Variants in SDK2 observed in about 807,000 individuals in gnomAD.
The protein encoded by SDK2 is sidekick cell adhesion molecule 2, also known as protein sidekick-2.
In SDK2, 105 loss-of-function variants were observed where a neutral mutation model predicts 253.9. That is an observed-to-expected ratio of 0.41 (90% CI 0.35 to 0.49). The LOEUF (loss-of-function observed/expected upper bound fraction) is 0.49. SDK2 is among the 20% of genes least tolerant of loss of function. SDK2 has a pLI of 0.06. For missense variants in SDK2, 2,608 were observed against 3,003.0 expected (o/e 0.87, Z 3.07); for synonymous variants, 1,249 against 1,234.9 (o/e 1.01, Z -0.24).
At chr17:73,593,539 C>A (rs1047382758) in intron 1 of SDK2, among the ~76,000 whole-genome samples, 1 of 152,082 alleles carries the variant, frequency 6.6e-6, no homozygotes, top group Non-Finnish European at 1.5e-5. Flanking sequence ...GACAATAGAC[C>A]CAGAGGCAGA....
intron 2 of SDK2, among the ~76,000 whole-genome samples, chr17:73,476,538 G>C (rs1464862178): frequency 6.6e-6 from 1 of 152,190 alleles, no homozygotes; most frequent in African/African-American, 2.4e-5. Context: ...GGCACCAGGG[G>C]CTCATTGGAT....
At chr17:73,475,636 A>C (rs2063681254) in intron 2 of SDK2, among the ~76,000 whole-genome samples, 1 of 152,228 alleles carries the variant, frequency 6.6e-6, no homozygotes, top group African/African-American at 2.4e-5. Flanking sequence ...ATGTTATGAG[A>C]GGAGGTAGGA....
At chr17:73,448,300 A>G (rs1331342668) in intron 4 of SDK2, among the ~76,000 whole-genome samples, 5 of 152,208 alleles carry the variant, frequency 3.3e-5, no homozygotes, top group Non-Finnish European at 7.3e-5. Flanking sequence ...CAAAGGCCAC[A>G]GGTCACCTGG....
intron 2 of SDK2, among the ~76,000 whole-genome samples, chr17:73,478,440 C>T (rs1302290723): frequency 6.6e-6 from 1 of 152,074 alleles, no homozygotes; most frequent in African/African-American, 2.4e-5. Context: ...AGAAAGAGGG[C>T]AGTGAAGGAA....
At position 73,338,806 on chromosome 17, in the gene SDK2, G is replaced by A. The variant is rs1192882841; in HGVS notation, c.6300C>T (p.Tyr2100=). ...CACCCGAGTCGCTCTCCGTGTAGCT[G>A]TAGGCCTGTGCCCTCGAGATGCCCT... is the stretch of plus-strand genomic sequence containing the variant. The part of the protein sequence containing the change: ...QQKGISRAQA[Y]SYTESDSGEP... Residue 2100 remains tyrosine, a synonymous_variant, in exon 45 of 45, where the codon TAC becomes TAT. Coordinates refer to ENST00000392650, the MANE Select transcript of SDK2 (RefSeq NM_001144952.2). This position sits in a 1 kb window ranked among gnomAD's most constrained non-coding sequence, Gnocchi z 5.0. 1.9e-6 allele frequency: 3 copies of A among 1,613,880 alleles called. No homozygotes were observed. The highest frequency in any genetic ancestry group is 1.7e-5 in the Admixed American group (1 of 60,002).
intron 37 of SDK2, among the ~76,000 whole-genome samples, chr17:73,366,091 G>T (rs931387713): frequency 1.3e-5 from 2 of 152,218 alleles, no homozygotes; most frequent in Non-Finnish European, 2.9e-5. Context: ...AGGATGACCA[G>T]GCTATTATTG....
intron 1 of SDK2, among the ~76,000 whole-genome samples, chr17:73,628,980 C>T (rs2046236765): frequency 6.6e-6 from 1 of 152,146 alleles, no homozygotes; most frequent in South Asian, 2.1e-4. Context: ...CTGCAGCTCT[C>T]CCACCTCCCA....
intron 40 of SDK2, chr17:73,357,737 G>A (rs2062603488): frequency 5.4e-6 from 2 of 372,806 alleles, no homozygotes; most frequent in Non-Finnish European, 9.9e-6. Context: ...TCTTAGTTAT[G>A]GGGCACCCAT....
chr17:73,624,146 A>G (rs1191471232), intron 1 of SDK2, among the ~76,000 whole-genome samples: 2 of 152,246 alleles, frequency 1.3e-5, no homozygotes, highest in African/African-American at 4.8e-5. Context: ...GACCAGTGTT[A>G]GGAAGCCAAT....
chr17:73,430,074 C>T (rs935697773), intron 12 of SDK2, among the ~76,000 whole-genome samples: 4 of 152,212 alleles, frequency 2.6e-5, no homozygotes, highest in South Asian at 2.1e-4. Flanking sequence ...ATCCCATATC[C>T]GCCTGCCCAG....
chr17:73,471,453 G>T (rs565343138), intron 3 of SDK2, among the ~76,000 whole-genome samples: 9 of 152,248 alleles, frequency 5.9e-5, no homozygotes, highest in African/African-American at 2.2e-4. Flanking sequence ...CAAAAAATTA[G>T]CTGGGTGTGG....
At position 73,395,872 on chromosome 17, in the gene SDK2, C is replaced by G. The variant is rs913098301; in HGVS notation, c.3355-480G>C. Among the ~76,000 whole-genome samples the G allele has an allele frequency of 6.6e-6, 1 of 152,094 alleles. No homozygotes were observed. Among genetic ancestry groups the G allele is most frequent in the Admixed American group, 6.6e-5 (1 of 15,262 alleles). On this transcript the variant is annotated intron_variant, in intron 24 of 44. Coordinates refer to ENST00000392650, the MANE Select transcript of SDK2 (RefSeq NM_001144952.2). This position sits in a 1 kb window ranked among gnomAD's most constrained non-coding sequence, Gnocchi z 4.3. Reference sequence around the variant, plus strand: ...CCTGCCAGTCAGGAAGTCCTTCTGTCCAGCAAACCTCAGCCTCTCCTGCTG... The same window carrying G: ...CCTGCCAGTCAGGAAGTCCTTCTGTGCAGCAAACCTCAGCCTCTCCTGCTG...
rs76352489 is a variant in SDK2, at chr17:73,385,516, C to T, written c.4569+331G>A. Among the ~76,000 whole-genome samples, 1,392 of 152,238 alleles carry T rather than the reference C, an allele frequency of 9.1e-3. 37 individuals are homozygous for T. The highest frequency in any genetic ancestry group is 0.087 in the East Asian group (449 of 5,166). ...GCAGGCCTAAGGCTAATACACCTGG[C>T]CCTGCCACTCACTGGCTATGTGACC... is the stretch of plus-strand genomic sequence containing the variant. On this transcript the variant is annotated intron_variant, in intron 32 of 44. Coordinates refer to ENST00000392650, the MANE Select transcript of SDK2 (RefSeq NM_001144952.2).
intron 4 of SDK2, among the ~76,000 whole-genome samples, chr17:73,448,655 T>C (rs371204997): frequency 8.6e-5 from 13 of 151,718 alleles, no homozygotes; most frequent in East Asian, 5.8e-4. Flanking sequence ...TGAGCCACTG[T>C]GCCCAGTCTT....
intron 3 of SDK2, among the ~76,000 whole-genome samples, chr17:73,469,282 T>C (rs913966967): frequency 6.6e-6 from 1 of 152,182 alleles, no homozygotes; most frequent in African/African-American, 2.4e-5. Context: ...CCCCCATATG[T>C]CACTGCCACT....
chr17:73,582,276 T>C (rs2045545950), intron 1 of SDK2, among the ~76,000 whole-genome samples: 1 of 147,750 alleles, frequency 6.8e-6, no homozygotes, highest in African/African-American at 2.5e-5. Flanking sequence ...GCATCAGCAT[T>C]TGGGGGCGCA....
In SDK2 at chr17:73,644,140, T is replaced by C. The variant is rs938516582; in HGVS notation, c.-52A>G. The C allele has an allele frequency of 3.4e-6, 5 of 1,455,948 alleles. No individual in the cohort carries two copies. The highest frequency in any genetic ancestry group is 2.0e-5 in the Admixed American group (1 of 50,768). The allele number at this position is 1,455,948 out of a possible 1,614,324, so 90.2% of individuals were successfully genotyped here. A position where few individuals can be genotyped will look rare whatever the true frequency, so the allele number is the denominator to read the frequency against. ...GGGGTCTCCCTTCCCTCCGCCCTGT[T>C]TTATAATCCTGGTGGGGTCCGATAC... On this transcript the variant is annotated 5_prime_UTR_variant, in exon 1 of 45. Transcript: ENST00000392650. This position sits in a 1 kb window ranked among gnomAD's most constrained non-coding sequence, Gnocchi z 6.3.
Position 73,431,535 on chromosome 17 carries a change from C to T in SDK2, c.1447G>A (p.Val483Ile), listed in dbSNP as rs747769635. ...ACTAGGTCTGCTGAGGCCTCATCGACCCCCCGAGAGTTGGTGGCCAGGCAG... is the reference window on the plus strand; with the variant it reads ...ACTAGGTCTGCTGAGGCCTCATCGATCCCCCGAGAGTTGGTGGCCAGGCAG... ...YTCLATNSRG[V>I]DEASADLVVW... Residue 483 changes from valine to isoleucine, a missense_variant, in exon 11 of 45, where the codon GTC becomes ATC. Physicochemically the swap from Val to Ile is conservative, Grantham distance 29. This residue lies in a region of SDK2 where 1,505 missense variants were observed against 1,859.1 expected (regional missense o/e 0.81). Transcript: ENST00000392650. This position sits in a 1 kb window ranked among gnomAD's most constrained non-coding sequence, Gnocchi z 5.6. The T allele has an allele frequency of 1.2e-6, 2 of 1,613,342 alleles. No individual in the cohort carries two copies. The highest frequency in any genetic ancestry group is 1.7e-5 in the Admixed American group (1 of 59,892).
Position 73,335,210 on chromosome 17 carries a change from T to A in SDK2, c.*3377A>T, listed in dbSNP as rs2062368797. ...GCATCTTTTTGGTTTGTCTTGGCAGTGTGGGTGTGGAGCTGACGTCAACTC... is the reference window on the plus strand; with the variant it reads ...GCATCTTTTTGGTTTGTCTTGGCAGAGTGGGTGTGGAGCTGACGTCAACTC... On this transcript the variant is annotated 3_prime_UTR_variant, in exon 45 of 45. Coordinates refer to ENST00000392650, the MANE Select transcript of SDK2 (RefSeq NM_001144952.2). The A allele has an allele frequency of 6.6e-6, 1 of 152,600 alleles. No homozygotes were observed. The highest frequency in any genetic ancestry group is 2.1e-4 in the South Asian group (1 of 4,830). The allele number at this position is 152,600 out of a possible 1,614,324, so 9.5% of individuals were successfully genotyped here.
Sources: gnomAD v4.1 joint callset for allele counts (sites outside exome capture counted in the v4.1 genomes callset) on GRCh38, gnomAD v4.1.1 for gene constraint, gnomAD v4.1.1 regional missense constraint, Gnocchi (gnomAD v3.1) non-coding constraint, MANE v1.5 for transcripts, NCBI Gene and HGNC (gene_info 2026-07-23, HGNC 2026-07-21) for gene names.